The following DHRSX variants were observed in gnomAD, a reference collection of about 807,000 sequenced individuals.
DHRSX encodes the protein dehydrogenase/reductase X-linked, also known as polyprenol dehydrogenase.
In DHRSX, 31 loss-of-function variants were observed where a neutral mutation model predicts 34.0. The ratio of observed to expected loss-of-function variants is 0.91; its 90% CI spans 0.69 to 1.23. The LOEUF (loss-of-function observed/expected upper bound fraction) is 1.23. Ranked by LOEUF, DHRSX falls within the 50% of genes most tolerant of loss-of-function variation. The pLI, the probability that DHRSX is intolerant of heterozygous loss-of-function variation, is 0.00. For synonymous variants in DHRSX, 201 were observed against 183.8 expected, an observed-to-expected ratio of 1.09 and a Z score of -0.76; for missense variants, 414 against 428.1, an observed-to-expected ratio of 0.97 and a Z score of 0.29.
intron 3 of DHRSX, among the ~76,000 whole-genome samples, chrX:2,299,294 A>G (rs1178941519): frequency 1.3e-5 from 2 of 152,166 alleles, no homozygotes; most frequent in African/African-American, 4.8e-5. Flanking sequence ...AATCCACAGT[A>G]ACAAATGCCT....
chrX:2,241,383 C>G (rs1289360474), intron 6 of DHRSX, among the ~76,000 whole-genome samples: 10 of 152,166 alleles, frequency 6.6e-5, no homozygotes, highest in Non-Finnish European at 1.3e-4. Flanking sequence ...TAACTTCCCC[C>G]TCCTGCTTCC....
At chrX:2,331,436 G>GGTTTTTTTT (rs1249970222) in intron 3 of DHRSX, among the ~76,000 whole-genome samples, 1 of 94,658 alleles carries the variant, frequency 1.1e-5, no homozygotes, top group South Asian at 4.8e-4. Flanking sequence ...AGGTTTTTTG[G>GGTTTTTTTT]TTTTTTTTTT....
chrX:2,468,905 T>C (rs1262474283), intron 1 of DHRSX, among the ~76,000 whole-genome samples: 1 of 140,132 alleles, frequency 7.1e-6, no homozygotes, highest in African/African-American at 2.7e-5. Flanking sequence ...TAAGGCCAAG[T>C]GACCGCTGCC....
At chrX:2,438,482 C>T (rs1234265468) in intron 1 of DHRSX, among the ~76,000 whole-genome samples, 1 of 152,062 alleles carries the variant, frequency 6.6e-6, no homozygotes, top group Non-Finnish European at 1.5e-5. Context: ...ACCAGCCTGA[C>T]TAACATGGTG....
chrX:2,396,372 TTTC>T (rs1178878017), intron 3 of DHRSX, among the ~76,000 whole-genome samples: 2 of 103,714 alleles, frequency 1.9e-5, no homozygotes, highest in African/African-American at 3.4e-5. Context: ...TTTCTTTCTT[TTTC>T]TTTTTTTTTT....
intron 4 of DHRSX, 27 bp downstream of exon 4, chrX:2,291,475 G>A: frequency 6.4e-7 from 1 of 1,570,996 alleles, no homozygotes; most frequent in Non-Finnish European, 8.8e-7. Flanking sequence ...TTAACCCCTG[G>A]CTTGCTGCAA....
chrX:2,345,725 G>A (rs1267461255), intron 3 of DHRSX, among the ~76,000 whole-genome samples: 1 of 151,230 alleles, frequency 6.6e-6, no homozygotes, highest in Non-Finnish European at 1.5e-5. Flanking sequence ...TATGGTGGGT[G>A]GGCCTGGTCC....
chrX:2,436,105 A>C lies in DHRSX; in HGVS notation c.110-10801T>G, dbSNP rs1490255695. Among the ~76,000 whole-genome samples, 2 of 152,014 alleles carry C rather than the reference A, an allele frequency of 1.3e-5. 1 individual carries two copies. Among genetic ancestry groups the C allele is most frequent in the East Asian group, 3.9e-4 (2 of 5,178 alleles). Reference sequence around the variant, plus strand: ...CTACTCGGGAAGCTGAGGCAGGAGAATCACTTGAACCCGGGAGGCAGAGGT... The same window carrying C: ...CTACTCGGGAAGCTGAGGCAGGAGACTCACTTGAACCCGGGAGGCAGAGGT... On this transcript the variant is annotated intron_variant, in intron 1 of 6. Transcript: ENST00000334651.
intron 6 of DHRSX, among the ~76,000 whole-genome samples, chrX:2,241,603 G>C (rs2016142602): frequency 6.6e-6 from 1 of 152,036 alleles, no homozygotes; most frequent in Admixed American, 6.6e-5. Context: ...TCCCTGCAGA[G>C]ACTCGTCATA....
intron 3 of DHRSX, among the ~76,000 whole-genome samples, chrX:2,319,011 C>A (rs2042274009): frequency 6.6e-6 from 1 of 152,094 alleles, no homozygotes; most frequent in Non-Finnish European, 1.5e-5. Flanking sequence ...CAACTGCAGC[C>A]CTCTAGCAAA....
At chrX:2,366,923 T>C (rs2043000494) in intron 3 of DHRSX, among the ~76,000 whole-genome samples, 1 of 152,000 alleles carries the variant, frequency 6.6e-6, no homozygotes, top group Admixed American at 6.6e-5. Context: ...TTCTCACTCC[T>C]TTGCACCGGA....
chrX:2,291,699 G>A, intron 3 of DHRSX, 96 bp from the exon 4 acceptor site: 1 of 866,088 alleles, frequency 1.2e-6, no homozygotes, highest in Non-Finnish European at 1.9e-6. Context: ...ATTTCATCTA[G>A]GAAGTAACAC....
intron 1 of DHRSX, chrX:2,489,892 C>G: frequency 6.2e-7 from 1 of 1,613,892 alleles, no homozygotes; most frequent in Non-Finnish European, 8.5e-7. Context: ...AGCACGCCTT[C>G]ACGATGTCCT....
intron 1 of DHRSX, among the ~76,000 whole-genome samples, chrX:2,457,121 G>C (rs771908686): frequency 6.6e-6 from 1 of 152,240 alleles, no homozygotes; most frequent in South Asian, 2.1e-4. Flanking sequence ...AGCTTACAGG[G>C]AGCAAATGAC....
chrX:2,234,202 T>C (rs966280693), intron 6 of DHRSX, among the ~76,000 whole-genome samples: 1 of 149,934 alleles, frequency 6.7e-6, no homozygotes, highest in Non-Finnish European at 1.5e-5. Flanking sequence ...TGCACACAGC[T>C]GGCTCCATAC....
chrX:2,255,992 G>T lies in DHRSX; in HGVS notation c.596+10748C>A, dbSNP rs746698357. On this transcript the variant is annotated intron_variant, in intron 5 of 6. Coordinates refer to ENST00000334651, the MANE Select transcript of DHRSX (RefSeq NM_145177.3). ...AAAGAAATCTTAAAGAATAGAAAAT[G>T]ATTTTGGAAGGTATGTGTCCCTCTT... Among the ~76,000 whole-genome samples the T allele has an allele frequency of 1.2e-4, 18 of 150,514 alleles. No homozygotes were observed. In the South Asian group the frequency reaches 3.8e-3, roughly 32 times the overall value.
At chrX:2,274,368 A>G (rs2041596831) in intron 4 of DHRSX, among the ~76,000 whole-genome samples, 1 of 150,976 alleles carries the variant, frequency 6.6e-6, no homozygotes, top group African/African-American at 2.4e-5. Flanking sequence ...TTGGAGACAG[A>G]GTCTCGCTCT....
chrX:2,317,751 G>A (rs751235720), intron 3 of DHRSX, among the ~76,000 whole-genome samples: 7 of 152,244 alleles, frequency 4.6e-5, no homozygotes, highest in East Asian at 1.9e-4. Context: ...AGTCAATCAC[G>A]CGTTCATTTC....
At chrX:2,484,777 A>G (rs59262840) in intron 1 of DHRSX, among the ~76,000 whole-genome samples, 3,427 of 152,120 alleles carry the variant, frequency 0.023, 131 homozygotes, top group African/African-American at 0.077. Context: ...GCCCAAGCAC[A>G]TCTGAGACTC....
Sources: gnomAD v4.1 joint callset for allele counts (sites outside exome capture counted in the v4.1 genomes callset) on GRCh38, gnomAD v4.1.1 for gene constraint, MANE v1.5 for transcripts, NCBI Gene and HGNC (gene_info 2026-07-23, HGNC 2026-07-21) for gene names.